ZFR: variants seen among roughly 807,000 people sequenced by gnomAD.
ZFR encodes the protein zinc finger RNA-binding protein.
A neutral mutation model predicts 130.7 loss-of-function variants in ZFR; 19 were observed. The ratio of observed to expected loss-of-function variants is 0.15; its 90% confidence interval spans 0.10 to 0.21. The LOEUF (loss-of-function observed/expected upper bound fraction) is 0.21. ZFR is among the 10% of genes least tolerant of loss of function. The pLI, the probability that ZFR is intolerant of heterozygous loss-of-function variation, is 1.00. For synonymous variants in ZFR, 466 were observed against 456.9 expected (o/e 1.02, Z -0.25); for missense variants, 872 against 1,321.5 (o/e 0.66, Z 5.27).
At chr5:32,420,448 T>C (rs2111824906) in intron 2 of ZFR, among the ~76,000 whole-genome samples, 1 of 152,312 alleles carries the variant, frequency 6.6e-6, no homozygotes. Flanking sequence ...AATTAGGAAC[T>C]TTAGTGTTAG....
At chr5:32,422,894 A>C (rs1449257024) in intron 2 of ZFR, among the ~76,000 whole-genome samples, 2 of 151,842 alleles carry the variant, frequency 1.3e-5, no homozygotes, top group African/African-American at 2.4e-5. Flanking sequence ...ACAGGAAAAG[A>C]AAGCACGTAA....
chr5:32,410,283 C>CAAAAAAAA (rs3065266), intron 5 of ZFR, among the ~76,000 whole-genome samples: 3 of 113,160 alleles, frequency 2.7e-5, no homozygotes, highest in African/African-American at 1.0e-4. Context: ...ACACTGTCTC[C>CAAAAAAAA]AAAAAAAAAA....
chr5:32,371,098 G>A (rs1468151287), intron 17 of ZFR, among the ~76,000 whole-genome samples: 9 of 152,198 alleles, frequency 5.9e-5, no homozygotes, highest in African/African-American at 1.9e-4. Context: ...GGCCAGGCAT[G>A]TTGGCTCATG....
chr5:32,405,885 A>T (rs906300172), intron 6 of ZFR, among the ~76,000 whole-genome samples: 4 of 152,242 alleles, frequency 2.6e-5, no homozygotes, highest in Non-Finnish European at 5.9e-5. Context: ...AGGGAATGTT[A>T]GAAACTGAAA....
At chr5:32,417,518 G>C in intron 4 of ZFR, 130 bp downstream of exon 4, 1 of 1,116,332 alleles carries the variant, frequency 9.0e-7, no homozygotes, top group Non-Finnish European at 1.3e-6. Flanking sequence ...TAGTAGGACA[G>C]GTCTAGAACC....
In ZFR at chr5:32,444,662, C is replaced by A. The variant is rs1181696022; in HGVS notation, c.-4G>T. 2 of 1,511,100 alleles carry A rather than the reference C, an allele frequency of 1.3e-6. No individual in the cohort carries two copies. The highest frequency in any genetic ancestry group is 1.8e-6 in the Non-Finnish European group (2 of 1,129,808). 93.6% of individuals were successfully genotyped at this position (1,511,100 alleles called of 1,614,324 possible). A position where few individuals can be genotyped will look rare whatever the true frequency, so the allele number is the denominator to read the frequency against. ...CTACAGGGCATATGGGAATCATGGG[C>A]TCGGGCTGCTGCTGCTGAACTCTGA... On this transcript the variant is annotated 5_prime_UTR_variant, in exon 1 of 20. Transcript: ENST00000265069.
At chr5:32,437,237 T>C (rs960052680) in intron 2 of ZFR, among the ~76,000 whole-genome samples, 2 of 152,198 alleles carry the variant, frequency 1.3e-5, no homozygotes, top group Non-Finnish European at 2.9e-5. Flanking sequence ...TTAATTATAA[T>C]GGCATAGTTA....
intron 14 of ZFR, among the ~76,000 whole-genome samples, chr5:32,386,893 T>C (rs906566091): frequency 1.3e-5 from 2 of 152,116 alleles, no homozygotes; most frequent in African/African-American, 4.8e-5. Flanking sequence ...CCCTCAATTA[T>C]GAAAGGAATC....
intron 15 of ZFR, 171 bp from the exon 16 acceptor site, chr5:32,380,343 A>G (rs1195129452): frequency 4.1e-6 from 2 of 483,472 alleles, no homozygotes; most frequent in Non-Finnish European, 3.7e-6. Flanking sequence ...AATATGAGGA[A>G]CAAAAGGTTA....
chr5:32,423,927 A>C (rs985013463), intron 2 of ZFR, among the ~76,000 whole-genome samples: 1 of 152,200 alleles, frequency 6.6e-6, no homozygotes, highest in Non-Finnish European at 1.5e-5. Flanking sequence ...TACCCAGCCA[A>C]ACTATGGAGG....
intron 19 of ZFR, among the ~76,000 whole-genome samples, chr5:32,361,728 C>G (rs867335818): frequency 9.3e-5 from 14 of 150,670 alleles, no homozygotes; most frequent in African/African-American, 3.2e-4. Context: ...AAGCGATTCT[C>G]GTGCCTTAGT....
intron 3 of ZFR, 31 bp from the exon 4 acceptor site, chr5:32,417,823 T>C (rs943427721): frequency 6.2e-7 from 1 of 1,606,552 alleles, no homozygotes; most frequent in Non-Finnish European, 8.5e-7. Flanking sequence ...AAAATCTTGC[T>C]ATGAGACAAG....
At chr5:32,404,898 T>C (rs1477189852) in intron 6 of ZFR, among the ~76,000 whole-genome samples, 3 of 152,096 alleles carry the variant, frequency 2.0e-5, no homozygotes, top group Non-Finnish European at 4.4e-5. Flanking sequence ...GTCACCGCAA[T>C]CTCCACCTCC....
intron 2 of ZFR, among the ~76,000 whole-genome samples, chr5:32,428,975 C>CTTTTTT (rs576959110): frequency 1.1e-5 from 1 of 91,200 alleles, no homozygotes; most frequent in African/African-American, 4.4e-5. Context: ...CTTCTTACAT[C>CTTTTTT]TTTTTTTTTT....
At chr5:32,355,960 ATT>A in intron 19 of ZFR, 21 bp from the exon 20 acceptor site, 1 of 1,559,254 alleles carries the variant, frequency 6.4e-7, no homozygotes, top group Non-Finnish European at 8.6e-7. Context: ...GAGAGTCAGA[ATT>A]TTGAGTTAAT....
intron 15 of ZFR, 120 bp downstream of exon 15, chr5:32,385,388 A>C: frequency 1.6e-6 from 2 of 1,231,536 alleles, no homozygotes. Context: ...AAATAAGTCA[A>C]ATCTATCAAA....
At chr5:32,414,119 T>C (rs564549512) in intron 5 of ZFR, among the ~76,000 whole-genome samples, 1 of 152,328 alleles carries the variant, frequency 6.6e-6, no homozygotes, top group Admixed American at 6.5e-5. Context: ...CTTTACATAC[T>C]CTGGCACTTC....
At position 32,354,630 on chromosome 5, in the gene ZFR, C is replaced by A. The variant is rs1752267223; in HGVS notation, c.*1130G>T. Reference sequence around the variant, plus strand: ...CACCAAATAATTTTCTGTTTTTTTCCTTAGATAATTTTTTATCAGTAATAC... The same window carrying A: ...CACCAAATAATTTTCTGTTTTTTTCATTAGATAATTTTTTATCAGTAATAC... On this transcript the variant is annotated 3_prime_UTR_variant, in exon 20 of 20. Transcript: ENST00000265069. 2 of 152,386 alleles carry A rather than the reference C, an allele frequency of 1.3e-5. No homozygotes were observed. The highest frequency in any genetic ancestry group is 4.8e-5 in the African/African-American group (2 of 41,382). The allele number at this position is 152,386 out of a possible 1,614,324, so 9.4% of individuals were successfully genotyped here.
intron 17 of ZFR, among the ~76,000 whole-genome samples, chr5:32,375,403 T>C (rs374059543): frequency 2.0e-5 from 3 of 152,226 alleles, no homozygotes; most frequent in African/African-American, 7.2e-5. Flanking sequence ...GTATCATACA[T>C]GTCAAGCAGT....
Sources: allele counts gnomAD v4.1 joint callset (sites outside exome capture counted in the v4.1 genomes callset), GRCh38; gene constraint gnomAD v4.1.1; transcripts MANE v1.5; gene names NCBI Gene and HGNC (gene_info 2026-07-23, HGNC 2026-07-21).